Variants in SNRPN observed in about 807,000 individuals in gnomAD.
SNRPN encodes the protein small nuclear ribonucleoprotein-associated protein N.
SNRPN carries 7 observed loss-of-function variants against 25.2 expected under a neutral mutation model. The ratio of observed to expected loss-of-function variants is 0.28; its 90% CI spans 0.16 to 0.52. The LOEUF (loss-of-function observed/expected upper bound fraction) is 0.52, where lower values mean the gene tolerates loss of function less well. SNRPN is among the 20% of genes least tolerant of loss of function. The pLI, the probability that SNRPN is intolerant of heterozygous loss-of-function variation, is 0.96. For synonymous variants in SNRPN, 124 were observed against 110.6 expected, an observed-to-expected ratio of 1.12 and a Z score of -0.76; for missense variants, 196 against 322.5, an observed-to-expected ratio of 0.61 and a Z score of 3.00.
intron 3 of SNRPN, among the ~76,000 whole-genome samples, chr15:24,946,058 G>A (rs1379135373): frequency 6.6e-6 from 1 of 152,100 alleles, no homozygotes; most frequent in East Asian, 1.9e-4. Context: ...AGGTTTATAT[G>A]TTTGCATTTA....
At chr15:24,845,515 T>G (rs1314265635) in intron 2 of SNRPN, among the ~76,000 whole-genome samples, 1 of 151,834 alleles carries the variant, frequency 6.6e-6, no homozygotes, top group Non-Finnish European at 1.5e-5. Flanking sequence ...GGAGAATCCC[T>G]TGAACCTGGC....
chr15:24,859,224 G>T (rs1377053154), intron 1 of SNRPN, among the ~76,000 whole-genome samples: 1 of 152,138 alleles, frequency 6.6e-6, no homozygotes, highest in Non-Finnish European at 1.5e-5. Context: ...CCTCTGCGCA[G>T]AAGTAAAATT....
At chr15:24,971,910 C>T (rs2076454155) in intron 3 of SNRPN, among the ~76,000 whole-genome samples, 1 of 152,094 alleles carries the variant, frequency 6.6e-6, no homozygotes, top group Non-Finnish European at 1.5e-5. Flanking sequence ...AGTCATGATC[C>T]TTGTTGTCTC....
At chr15:24,909,512 G>A (rs879233573) in intron 2 of SNRPN, 48 of 1,511,660 alleles carry the variant, frequency 3.2e-5, no homozygotes, top group Middle Eastern at 4.7e-4. Context: ...GCGGGCCAGC[G>A]GCAGGCCAGT....
intron 1 of SNRPN, among the ~76,000 whole-genome samples, chr15:24,955,744 G>A (rs1222631234): frequency 6.6e-6 from 1 of 151,508 alleles, no homozygotes; most frequent in Non-Finnish European, 1.5e-5. Flanking sequence ...GGAGGTAGGG[G>A]GAAGGCGGCG....
chr15:24,977,275 T>C (rs2077166057), intron 7 of SNRPN, among the ~76,000 whole-genome samples: 2 of 152,280 alleles, frequency 1.3e-5, no homozygotes, highest in South Asian at 4.1e-4. Flanking sequence ...GTGAACAGAA[T>C]GCATGGATAT....
At chr15:24,841,829 C>T (rs141189289) in intron 2 of SNRPN, among the ~76,000 whole-genome samples, 25 of 152,148 alleles carry the variant, frequency 1.6e-4, no homozygotes, top group African/African-American at 6.0e-4. Context: ...GGACCTCTCT[C>T]TAGTTTCTTC....
At chr15:24,938,383 C>A (rs185962790) in intron 3 of SNRPN, among the ~76,000 whole-genome samples, 1 of 152,156 alleles carries the variant, frequency 6.6e-6, no homozygotes, top group Non-Finnish European at 1.5e-5. Context: ...CCACCTTGGC[C>A]TCCCAAAGTG....
At chr15:24,833,104 C>CAAAAAAA (rs10696281) in intron 2 of SNRPN, among the ~76,000 whole-genome samples, 4 of 61,770 alleles carry the variant, frequency 6.5e-5, no homozygotes, top group African/African-American at 1.3e-4. Flanking sequence ...GACTCTGTCT[C>CAAAAAAA]AAAAAAAAAA....
At chr15:24,892,500 G>A (rs1419869406) in intron 2 of SNRPN, among the ~76,000 whole-genome samples, 1 of 152,216 alleles carries the variant, frequency 6.6e-6, no homozygotes, top group Admixed American at 6.6e-5. Context: ...GCAAAATCAG[G>A]CCGGGTGTGG....
chr15:24,928,658 C>G (rs80261648), intron 3 of SNRPN, among the ~76,000 whole-genome samples: 1 of 152,064 alleles, frequency 6.6e-6, no homozygotes, highest in African/African-American at 2.4e-5. Flanking sequence ...TTTTTTGAAA[C>G]AGGGTCTTGC....
chr15:24,954,682 G>A (rs769783116), upstream of SNRPN, among the ~76,000 whole-genome samples: 1 of 152,232 alleles, frequency 6.6e-6, no homozygotes, highest in Non-Finnish European at 1.5e-5. Flanking sequence ...CCAGTGGTGT[G>A]TGCAAAAATT....
At chr15:24,918,991 G>A (rs535294135) in intron 2 of SNRPN, among the ~76,000 whole-genome samples, 1 of 95,908 alleles carries the variant, frequency 1.0e-5, no homozygotes, top group African/African-American at 4.8e-5. Flanking sequence ...TAATATATAT[G>A]TGCGCATATA....
At chr15:24,937,572 G>C (rs1388821102) in intron 3 of SNRPN, among the ~76,000 whole-genome samples, 1 of 152,042 alleles carries the variant, frequency 6.6e-6, no homozygotes, top group Admixed American at 6.6e-5. Flanking sequence ...CTTTTCATGT[G>C]AATCTAGTGT....
At chr15:24,900,549 A>C (rs1702022560) in intron 2 of SNRPN, among the ~76,000 whole-genome samples, 1 of 152,204 alleles carries the variant, frequency 6.6e-6, no homozygotes, top group Admixed American at 6.5e-5. Context: ...TTTTTCTTAA[A>C]GTCCCCTACA....
chr15:24,906,060 T>C (rs1267346206), intron 2 of SNRPN, among the ~76,000 whole-genome samples: 5 of 152,186 alleles, frequency 3.3e-5, no homozygotes, highest in Admixed American at 6.5e-5. Flanking sequence ...AAAAGTATTA[T>C]GTGACATGGG....
At chr15:24,853,506 G>T (rs183661175), upstream of SNRPN, among the ~76,000 whole-genome samples, 432 of 151,728 alleles carry the variant, frequency 2.8e-3, 4 homozygotes, top group Non-Finnish European at 4.6e-3. Flanking sequence ...CCATTCTCCT[G>T]CCTCAGTCTC....
chr15:24,926,620 T>G (rs942005563), intron 3 of SNRPN, among the ~76,000 whole-genome samples: 9 of 82,936 alleles, frequency 1.1e-4, no homozygotes, highest in South Asian at 6.0e-4. Context: ...TGGATTCTGG[T>G]TTTTTTTTTG....
intron 2 of SNRPN, among the ~76,000 whole-genome samples, chr15:24,889,756 T>C (rs1275664281): frequency 6.6e-6 from 1 of 151,780 alleles, no homozygotes; most frequent in Non-Finnish European, 1.5e-5. Context: ...GGGGTCAGAA[T>C]AGGATACCCC....
Sources: allele counts gnomAD v4.1 joint callset (sites outside exome capture counted in the v4.1 genomes callset), GRCh38; gene constraint gnomAD v4.1.1; transcripts MANE v1.5; gene names NCBI Gene and HGNC (gene_info 2026-07-23, HGNC 2026-07-21).